Variants in PARD3 observed in about 807,000 individuals in gnomAD.
PARD3 encodes par-3 family cell polarity regulator, also known as partitioning defective 3 homolog.
PARD3 carries 75 observed loss-of-function variants against 155.4 expected under a neutral mutation model. The ratio of observed to expected loss-of-function variants is 0.48; its 90% confidence interval spans 0.40 to 0.58. PARD3 has a LOEUF of 0.58. PARD3 is among the 20% of genes least tolerant of loss of function. The pLI is 0.00. For synonymous variants in PARD3, 576 were observed against 610.5 expected (o/e 0.94, Z 0.83); for missense variants, 1,642 against 1,721.7 (o/e 0.95, Z 0.82).
chr10:34,301,185 T>C (rs1414236328), intron 20 of PARD3, among the ~76,000 whole-genome samples: 2 of 152,154 alleles, frequency 1.3e-5, no homozygotes, highest in Non-Finnish European at 2.9e-5. Context: ...TCAGAGATGC[T>C]AGCCACACCT....
chr10:34,612,673 G>A (rs903963533), intron 2 of PARD3, among the ~76,000 whole-genome samples: 7 of 152,150 alleles, frequency 4.6e-5, no homozygotes, highest in Non-Finnish European at 7.3e-5. Context: ...GCTATAGTGA[G>A]GTTTTATGAG....
chr10:34,439,047 G>T (rs2076330526), intron 5 of PARD3, among the ~76,000 whole-genome samples: 2 of 152,210 alleles, frequency 1.3e-5, no homozygotes, highest in Admixed American at 6.5e-5. Flanking sequence ...GAAGACAGGA[G>T]ATTATGTGCA....
At chr10:34,196,117 C>T (rs961532800) in intron 22 of PARD3, among the ~76,000 whole-genome samples, 1 of 152,184 alleles carries the variant, frequency 6.6e-6, no homozygotes, top group Admixed American at 6.5e-5. Context: ...ATGACTCTTC[C>T]TATCCCTTTA....
chr10:34,198,807 T>C (rs1170634418), intron 22 of PARD3, among the ~76,000 whole-genome samples: 2 of 152,062 alleles, frequency 1.3e-5, no homozygotes, highest in South Asian at 2.1e-4. Flanking sequence ...ACAGTCAGAT[T>C]TAACCCCAGG....
intron 21 of PARD3, among the ~76,000 whole-genome samples, chr10:34,271,851 A>G (rs1157119934): frequency 2.0e-5 from 3 of 152,238 alleles, no homozygotes; most frequent in Non-Finnish European, 4.4e-5. Flanking sequence ...GTCAGAGGAT[A>G]TAAGATCAAC....
chr10:34,380,185 CCCA>C (rs556139186), intron 9 of PARD3, among the ~76,000 whole-genome samples: 188 of 152,112 alleles, frequency 1.2e-3, no homozygotes, highest in Non-Finnish European at 1.8e-3. Flanking sequence ...AGCATTCTTC[CCCA>C]CATTTATAGT....
intron 2 of PARD3, among the ~76,000 whole-genome samples, chr10:34,682,894 T>C (rs574222312): frequency 3.3e-5 from 5 of 151,958 alleles, no homozygotes; most frequent in East Asian, 1.9e-4. Context: ...CAAAACAAAA[T>C]AAAACCTCAG....
chr10:34,448,318 G>A (rs2076869315), intron 5 of PARD3, among the ~76,000 whole-genome samples: 1 of 140,382 alleles, frequency 7.1e-6, no homozygotes, highest in African/African-American at 2.6e-5. Context: ...ACTTATAAGT[G>A]GAATCTTGGA....
chr10:34,755,244 A>AT (rs1836562431), intron 1 of PARD3, among the ~76,000 whole-genome samples: 1 of 150,420 alleles, frequency 6.6e-6, no homozygotes, highest in African/African-American at 2.5e-5. Flanking sequence ...TCTACTAAAA[A>AT]TTAAAAAAAA....
chr10:34,597,002 C>G (rs1397518169), intron 2 of PARD3, among the ~76,000 whole-genome samples: 1 of 152,128 alleles, frequency 6.6e-6, no homozygotes, highest in Non-Finnish European at 1.5e-5. Flanking sequence ...AAGAATTTGC[C>G]TCACCAAAGA....
At chr10:34,660,996 G>A (rs999365472) in intron 2 of PARD3, among the ~76,000 whole-genome samples, 8 of 151,906 alleles carry the variant, frequency 5.3e-5, no homozygotes, top group Non-Finnish European at 1.5e-5. Context: ...GTAAATAAAT[G>A]TTACTTTTTT....
At chr10:34,176,872 C>T (rs961853824) in intron 22 of PARD3, among the ~76,000 whole-genome samples, 1 of 152,052 alleles carries the variant, frequency 6.6e-6, no homozygotes, top group African/African-American at 2.4e-5. Flanking sequence ...ACAAAATTGT[C>T]AATGGAAAGT....
intron 24 of PARD3, among the ~76,000 whole-genome samples, chr10:34,118,344 T>C (rs114949631): frequency 6.6e-6 from 1 of 152,156 alleles, no homozygotes; most frequent in Non-Finnish European, 1.5e-5. Context: ...TTATTTAACA[T>C]GTAAAGAAAT....
intron 22 of PARD3, among the ~76,000 whole-genome samples, chr10:34,205,216 T>C (rs567562294): frequency 6.6e-6 from 1 of 152,280 alleles, no homozygotes. Flanking sequence ...GATGCTGAGG[T>C]CACTGGGACT....
chr10:34,644,575 G>A (rs1231937831), intron 2 of PARD3, among the ~76,000 whole-genome samples: 2 of 152,166 alleles, frequency 1.3e-5, no homozygotes, highest in Non-Finnish European at 2.9e-5. Context: ...CTTAACTGGT[G>A]GCTTATTTCA....
chr10:34,614,266 G>C, intron 2 of PARD3, among the ~76,000 whole-genome samples: 1 of 152,170 alleles, frequency 6.6e-6, no homozygotes, highest in East Asian at 1.9e-4. Flanking sequence ...CCAGGAACCT[G>C]GGAAATTATT....
chr10:34,483,353 G>A (rs114513248), intron 3 of PARD3, among the ~76,000 whole-genome samples: 5 of 151,780 alleles, frequency 3.3e-5, no homozygotes, highest in Admixed American at 6.6e-5. Context: ...ACAGTGGCAC[G>A]CATCTGTGGT....
chr10:34,114,916 T>C (rs1271888189), intron 24 of PARD3, among the ~76,000 whole-genome samples: 3 of 152,254 alleles, frequency 2.0e-5, no homozygotes, highest in Admixed American at 1.3e-4. Context: ...GGTCCTGCAG[T>C]GAGCCCCTGG....
chr10:34,475,460 T>C (rs1589706931), intron 3 of PARD3, among the ~76,000 whole-genome samples: 2 of 152,372 alleles, frequency 1.3e-5, no homozygotes, highest in East Asian at 1.9e-4. Flanking sequence ...GATTTTCTTC[T>C]GTGATACCAC....
Sources: allele counts gnomAD v4.1 joint callset (sites outside exome capture counted in the v4.1 genomes callset), GRCh38; gene constraint gnomAD v4.1.1; transcripts MANE v1.5; gene names NCBI Gene and HGNC (gene_info 2026-07-23, HGNC 2026-07-21).